Variants in SEMA4D observed in about 807,000 individuals in gnomAD.
SEMA4D encodes the protein semaphorin 4D, also known as semaphorin-4D.
SEMA4D carries 22 observed loss-of-function variants against 74.8 expected under a neutral mutation model. The observed-to-expected ratio is 0.29, with a 90% CI of 0.21 to 0.42. SEMA4D has a LOEUF of 0.42. SEMA4D is among the 10% of genes least tolerant of loss of function. The pLI is 1.00. For synonymous variants in SEMA4D, 445 were observed against 463.7 expected (o/e 0.96, Z 0.52); for missense variants, 937 against 1,118.4 (o/e 0.84, Z 2.31).
At chr9:89,481,533 A>G (rs1463592941) in intron 1 of SEMA4D, among the ~76,000 whole-genome samples, 1 of 152,236 alleles carries the variant, frequency 6.6e-6, no homozygotes, top group East Asian at 1.9e-4. Flanking sequence ...TGTTCAAAAT[A>G]TCATTCCTAA....
chr9:89,488,216 G>A (rs1825340847), intron 1 of SEMA4D, among the ~76,000 whole-genome samples: 1 of 152,094 alleles, frequency 6.6e-6, no homozygotes, highest in Non-Finnish European at 1.5e-5. Context: ...ATAATTCACT[G>A]GAGAAAGAAG....
At position 89,387,315 on chromosome 9, in the gene SEMA4D, T is replaced by C. The variant is rs117598361; in HGVS notation, c.1330+71A>G. On this transcript the variant is annotated intron_variant, in intron 12 of 15. Coordinates refer to ENST00000422704, the MANE Select transcript of SEMA4D (RefSeq NM_001371194.2). The stretch of plus-strand genomic sequence containing the variant: ...AACTACTCACGAAAGAATAATTGGA[T>C]TTCCCAGTTTTCCTACCAGAGGACA... The C allele has an allele frequency of 1.4e-3, 1,871 of 1,304,944 alleles. 57 individuals are homozygous for C. The East Asian group carries it at 0.038, about 26-fold the overall frequency. 80.8% of individuals were successfully genotyped at this position (1,304,944 alleles called of 1,614,324 possible).
At chr9:89,416,528 C>T (rs994660480) in intron 2 of SEMA4D, among the ~76,000 whole-genome samples, 2 of 152,230 alleles carry the variant, frequency 1.3e-5, no homozygotes, top group Non-Finnish European at 2.9e-5. Flanking sequence ...CATACACACA[C>T]AGCCACGGAC....
intron 1 of SEMA4D, among the ~76,000 whole-genome samples, chr9:89,467,499 G>A (rs1049506443): frequency 6.6e-6 from 1 of 150,892 alleles, no homozygotes; most frequent in Non-Finnish European, 1.5e-5. Flanking sequence ...CCGGGGGAGT[G>A]GGGGAGGGGG....
At chr9:89,460,611 C>T (rs774792162) in intron 1 of SEMA4D, among the ~76,000 whole-genome samples, 46 of 152,356 alleles carry the variant, frequency 3.0e-4, no homozygotes, top group Non-Finnish European at 5.9e-4. Flanking sequence ...GAGGTTCCAC[C>T]GGTTCAGACC....
At chr9:89,481,767 G>T (rs1304025961) in intron 1 of SEMA4D, among the ~76,000 whole-genome samples, 1 of 152,224 alleles carries the variant, frequency 6.6e-6, no homozygotes, top group Non-Finnish European at 1.5e-5. Context: ...ATTAACCTGC[G>T]CTGTGATCAG....
At chr9:89,435,712 T>A (rs967465411) in intron 2 of SEMA4D, among the ~76,000 whole-genome samples, 1 of 152,124 alleles carries the variant, frequency 6.6e-6, no homozygotes, top group Non-Finnish European at 1.5e-5. Context: ...AGGCTCCACC[T>A]ACGCCCCACC....
chr9:89,474,860 T>C (rs1861380285), intron 1 of SEMA4D, among the ~76,000 whole-genome samples: 1 of 152,256 alleles, frequency 6.6e-6, no homozygotes, highest in Non-Finnish European at 1.5e-5. Flanking sequence ...GGTCTGTGAC[T>C]GTCAGCCCCT....
At chr9:89,489,368 T>A (rs1322373796) in intron 1 of SEMA4D, among the ~76,000 whole-genome samples, 3 of 152,220 alleles carry the variant, frequency 2.0e-5, no homozygotes, top group Non-Finnish European at 4.4e-5. Context: ...AAAATACTCG[T>A]AAGATAAAAT....
intron 5 of SEMA4D, 132 bp from the exon 6 acceptor site, chr9:89,396,967 CCAA>C: frequency 1.3e-6 from 1 of 749,702 alleles, no homozygotes; most frequent in Non-Finnish European, 2.3e-6. Flanking sequence ...TGGCCCCAGG[CCAA>C]CGAGGCATGT....
At chr9:89,450,289 C>A (rs189468785) in intron 2 of SEMA4D, 179 of 928,846 alleles carry the variant, frequency 1.9e-4, no homozygotes, top group Non-Finnish European at 2.4e-4. Flanking sequence ...GGAGAGAGAA[C>A]CACTATGTAC....
chr9:89,418,589 A>C, intron 2 of SEMA4D: 1 of 240,360 alleles, frequency 4.2e-6, no homozygotes, highest in Non-Finnish European at 6.7e-6. Context: ...TTATTTTTGG[A>C]TGGCTGGTTT....
At chr9:89,412,963 A>C (rs1054908080) in intron 2 of SEMA4D, among the ~76,000 whole-genome samples, 6 of 152,204 alleles carry the variant, frequency 3.9e-5, no homozygotes, top group Non-Finnish European at 7.3e-5. Context: ...CTCCATAATC[A>C]TTGATGGGTG....
rs565091659 is a variant in SEMA4D, at chr9:89,429,482, G to A, written c.-243-23783C>T. Reference sequence around the variant, plus strand: ...TCAGTGTTGGGGGGTAGGGGGCAGTGTCTGACACTACAGGCATGGAAAGCA... The same window carrying A: ...TCAGTGTTGGGGGGTAGGGGGCAGTATCTGACACTACAGGCATGGAAAGCA... On this transcript the variant is annotated intron_variant, in intron 2 of 15. Transcript: ENST00000422704. Among the ~76,000 whole-genome samples the A allele has an allele frequency of 1.6e-4, 25 of 152,326 alleles. No individual in the cohort carries two copies. In the South Asian group the frequency reaches 5.2e-3, roughly 32 times the overall value.
intron 15 of SEMA4D, 113 bp downstream of exon 15, chr9:89,380,942 G>C: frequency 3.1e-6 from 4 of 1,284,716 alleles, no homozygotes; most frequent in Non-Finnish European, 3.4e-6. Flanking sequence ...CCTCTGTTCC[G>C]AGTGGAGAAA....
At chr9:89,454,905 C>T (rs1855562798) in intron 2 of SEMA4D, among the ~76,000 whole-genome samples, 1 of 152,382 alleles carries the variant, frequency 6.6e-6, no homozygotes, top group South Asian at 2.1e-4. Flanking sequence ...GAGGAAGCCC[C>T]GCCCCTCGAG....
At chr9:89,440,682 T>C (rs1851502834) in intron 2 of SEMA4D, among the ~76,000 whole-genome samples, 2 of 152,196 alleles carry the variant, frequency 1.3e-5, no homozygotes, top group African/African-American at 4.8e-5. Context: ...TCCTAACTAC[T>C]TGCTACGTGC....
chr9:89,423,796 CT>C (rs1847501959), intron 2 of SEMA4D, among the ~76,000 whole-genome samples: 1 of 138,044 alleles, frequency 7.2e-6, no homozygotes, highest in African/African-American at 2.5e-5. Flanking sequence ...AGTGCCTCCC[CT>C]CCCTCCACTA....
intron 5 of SEMA4D, among the ~76,000 whole-genome samples, chr9:89,398,890 G>C (rs1841586920): frequency 6.6e-6 from 1 of 152,214 alleles, no homozygotes; most frequent in Non-Finnish European, 1.5e-5. Context: ...TGCATGACTA[G>C]CAACTCCTCC....
Sources: allele counts gnomAD v4.1 joint callset (sites outside exome capture counted in the v4.1 genomes callset), GRCh38; gene constraint gnomAD v4.1.1; transcripts MANE v1.5; gene names NCBI Gene and HGNC (gene_info 2026-07-23, HGNC 2026-07-21).